The following SUCLA2 variants were observed in gnomAD, a reference collection of about 807,000 sequenced individuals.
SUCLA2 encodes the protein succinate-CoA ligase ADP-forming subunit beta.
Under a neutral mutation model 54.8 loss-of-function variants are expected in SUCLA2, and 30 were observed. The ratio of observed to expected loss-of-function variants is 0.55; its 90% CI spans 0.41 to 0.74. The LOEUF (loss-of-function observed/expected upper bound fraction) is 0.74. Ranked by LOEUF, SUCLA2 falls within the 30% of genes least tolerant of loss-of-function variation. SUCLA2 has a pLI of 0.00. For synonymous variants in SUCLA2, 172 were observed against 188.9 expected, an observed-to-expected ratio of 0.91 and a Z score of 0.74; for missense variants, 476 against 562.9, an observed-to-expected ratio of 0.85 and a Z score of 1.56.
intron 4 of SUCLA2, among the ~76,000 whole-genome samples, chr13:47,985,558 G>C (rs968106437): frequency 7.9e-5 from 12 of 152,140 alleles, no homozygotes; most frequent in African/African-American, 2.7e-4. Flanking sequence ...CCCTGCAAAG[G>C]ACATAATCTC....
Position 47,954,504 on chromosome 13 carries a change from T to G in SUCLA2, c.856A>C (p.Lys286Gln), listed in dbSNP as rs1164233467. ...CAGTCCTGTAGATCAAAGATTTTCT[T>G]TTGGCGATAGGCTGAATTAGAGTCA... ...NFDSNSAYRQ[K>Q]KIFDLQDWTQ... The change falls in exon 7 of 11, where the codon AAG becomes CAG. Residue 286 changes from lysine to glutamine, a missense_variant. Physicochemically the swap from Lys to Gln is moderately conservative, Grantham distance 53. Transcript: ENST00000646932. 1 of 1,613,906 alleles carries G rather than the reference T, an allele frequency of 6.2e-7. No homozygotes were observed. The highest frequency in any genetic ancestry group is 1.3e-5 in the African/African-American group (1 of 75,026).
At chr13:47,946,870 T>C (rs1949736328) in intron 10 of SUCLA2, among the ~76,000 whole-genome samples, 1 of 152,170 alleles carries the variant, frequency 6.6e-6, no homozygotes, top group African/African-American at 2.4e-5. Context: ...AAAAAATCTA[T>C]ACTCCTGGAC....
intron 6 of SUCLA2, among the ~76,000 whole-genome samples, chr13:47,962,961 C>T (rs548376697): frequency 2.0e-5 from 3 of 152,164 alleles, no homozygotes; most frequent in South Asian, 2.1e-4. Flanking sequence ...ACTCTTACCA[C>T]GTATTCATCA....
At chr13:47,981,906 T>A (rs1950063116) in intron 4 of SUCLA2, among the ~76,000 whole-genome samples, 2 of 152,040 alleles carry the variant, frequency 1.3e-5, no homozygotes, top group South Asian at 4.1e-4. Context: ...AATCACTTGA[T>A]CCCGGGAGAC....
At chr13:47,987,015 A>T (rs1419334939) in intron 4 of SUCLA2, among the ~76,000 whole-genome samples, 3 of 152,364 alleles carry the variant, frequency 2.0e-5, no homozygotes, top group African/African-American at 7.2e-5. Flanking sequence ...GATAATATCA[A>T]AGAATTTATA....
intron 4 of SUCLA2, among the ~76,000 whole-genome samples, chr13:47,981,115 TA>T (rs1315271443): frequency 6.6e-6 from 1 of 151,996 alleles, no homozygotes; most frequent in Non-Finnish European, 1.5e-5. Context: ...CTATCAAACT[TA>T]AAAACTTCAC....
intron 8 of SUCLA2, among the ~76,000 whole-genome samples, chr13:47,950,365 A>C (rs1949766561): frequency 6.6e-6 from 1 of 152,098 alleles, no homozygotes; most frequent in Admixed American, 6.6e-5. Flanking sequence ...CCCTATATAA[A>C]TTTAGTTTCT....
At chr13:47,966,553 C>T (rs1949920073) in intron 6 of SUCLA2, among the ~76,000 whole-genome samples, 1 of 149,172 alleles carries the variant, frequency 6.7e-6, no homozygotes, top group Non-Finnish European at 1.5e-5. Context: ...GCAAAAACTG[C>T]AATTACTTTT....
intron 2 of SUCLA2, among the ~76,000 whole-genome samples, chr13:47,992,015 AG>A (rs1950153227): frequency 6.6e-6 from 1 of 152,210 alleles, no homozygotes; most frequent in Non-Finnish European, 1.5e-5. Flanking sequence ...GGAAGGGAGC[AG>A]CCACTATTTA....
At chr13:47,992,916 T>A (rs907300684) in intron 2 of SUCLA2, among the ~76,000 whole-genome samples, 2 of 152,164 alleles carry the variant, frequency 1.3e-5, no homozygotes, top group African/African-American at 4.8e-5. Flanking sequence ...CTATAGTCAA[T>A]AGGGAAATTA....
chr13:47,955,327 G>A (rs906791340), intron 6 of SUCLA2, among the ~76,000 whole-genome samples: 2 of 152,010 alleles, frequency 1.3e-5, no homozygotes, highest in African/African-American at 2.4e-5. Flanking sequence ...TCAGCCTTCC[G>A]AGTAGCTGGG....
chr13:47,970,094 T>A (rs1057404165), intron 5 of SUCLA2, among the ~76,000 whole-genome samples: 13 of 121,486 alleles, frequency 1.1e-4, no homozygotes, highest in Non-Finnish European at 2.2e-4. Flanking sequence ...AGAGTGAGAC[T>A]CTGTCTCCCC....
chr13:47,999,103 T>C (rs1950209950), intron 1 of SUCLA2, among the ~76,000 whole-genome samples: 2 of 152,182 alleles, frequency 1.3e-5, no homozygotes, highest in Admixed American at 6.5e-5. Flanking sequence ...ACTAGGTCAC[T>C]AGCACATAAG....
intron 6 of SUCLA2, among the ~76,000 whole-genome samples, chr13:47,966,482 ACATTT>A (rs1165258746): frequency 4.6e-5 from 7 of 151,484 alleles, no homozygotes; most frequent in South Asian, 4.2e-4. Flanking sequence ...TTAGATAATT[ACATTT>A]AAGTTAGATA....
In SUCLA2 at chr13:47,973,353, T is replaced by C; in HGVS notation, c.574A>G (p.Ile192Val). The C allele has an allele frequency of 1.2e-6, 2 of 1,613,784 alleles. No homozygotes were observed. The highest frequency in any genetic ancestry group is 1.7e-6 in the Non-Finnish European group (2 of 1,179,926). The part of the protein sequence containing the change: ...LIGSSHGGVN[I>V]EDVAAESPEA... ...GGAGACTCAGCAGCAACATCTTCAA[T>C]GTTGACACCACCATGTGAACTTCCT... The change falls in exon 5 of 11, where the codon ATT becomes GTT. Residue 192 changes from isoleucine to valine, a missense_variant. By Grantham distance (29) the Ile-to-Val change is conservative. Around this residue, in one of 2 missense-constraint regions of SUCLA2, gnomAD observed 342 missense variants for 444.2 expected, o/e 0.77. Transcript: ENST00000646932.
At chr13:47,979,256 T>C (rs377032831) in intron 4 of SUCLA2, among the ~76,000 whole-genome samples, 4 of 152,190 alleles carry the variant, frequency 2.6e-5, no homozygotes, top group African/African-American at 4.8e-5. Flanking sequence ...CCATCAGTGA[T>C]AGACGGGATA....
chr13:47,944,688 C>T (rs1949715188), intron 10 of SUCLA2, among the ~76,000 whole-genome samples: 1 of 152,124 alleles, frequency 6.6e-6, no homozygotes, highest in Non-Finnish European at 1.5e-5. Context: ...TGCTCAAATT[C>T]TTTATTTTTA....
chr13:47,955,762 C>A (rs1412885201), intron 6 of SUCLA2, among the ~76,000 whole-genome samples: 1 of 152,060 alleles, frequency 6.6e-6, no homozygotes, highest in African/African-American at 2.4e-5. Context: ...CAAAATGGCT[C>A]TTAACAAAGG....
At chr13:47,966,724 A>AC (rs1245123813) in intron 6 of SUCLA2, among the ~76,000 whole-genome samples, 2 of 151,382 alleles carry the variant, frequency 1.3e-5, no homozygotes, top group Non-Finnish European at 2.9e-5. Context: ...TAAATAAAAA[A>AC]AAAAAAATAG....
Sources: allele counts gnomAD v4.1 joint callset (sites outside exome capture counted in the v4.1 genomes callset), GRCh38; gene constraint gnomAD v4.1.1; regional missense constraint gnomAD v4.1.1; transcripts MANE v1.5; gene names NCBI Gene and HGNC (gene_info 2026-07-23, HGNC 2026-07-21).